The following FER1L6 variants were observed in gnomAD, a reference collection of about 807,000 sequenced individuals.
FER1L6 encodes fer-1 like family member 6.
A neutral mutation model predicts 219.2 loss-of-function variants in FER1L6; 177 were observed. The ratio of observed to expected loss-of-function variants is 0.81; its 90% CI spans 0.71 to 0.91. The LOEUF (loss-of-function observed/expected upper bound fraction) is 0.91. Ranked by LOEUF, FER1L6 falls within the 40% of genes least tolerant of loss-of-function variation. The probability of loss-of-function intolerance (pLI) is 0.00; values close to 1 mark genes in which losing one functional copy is unlikely to be tolerated. For missense variants in FER1L6, 2,153 were observed against 2,259.9 expected (o/e 0.95, Z 0.96); for synonymous variants, 768 against 824.3 (o/e 0.93, Z 1.17).
At chr8:123,921,137 G>A (rs4871427) in intron 1 of FER1L6, among the ~76,000 whole-genome samples, 69,758 of 152,022 alleles carry the variant, frequency 0.46, 16,367 homozygotes, top group South Asian at 0.54. Flanking sequence ...CAATAGTGCT[G>A]TTACAAATAT....
At chr8:124,060,407 C>A in intron 23 of FER1L6, 117 bp downstream of exon 23, 1 of 1,426,988 alleles carries the variant, frequency 7.0e-7, no homozygotes, top group Non-Finnish European at 9.7e-7. Context: ...AGAATGAGCC[C>A]TCAAAAAGCT....
rs1586423517 is a variant in FER1L6, at chr8:123,858,407, G to C, written c.-8+6222G>C. On this transcript the variant is annotated intron_variant, in intron 1 of 40. Coordinates refer to ENST00000522917, the MANE Select transcript of FER1L6 (RefSeq NM_001039112.2). ...TGGAAGATGTATTAGTTAAGGCAGT[G>C]CTAGCTGCTGTAACAGATATACCTG... 2.0e-5 allele frequency among the ~76,000 whole-genome samples: 3 copies of C among 152,214 alleles called. No homozygotes were observed. In the South Asian group the frequency reaches 6.2e-4, roughly 32 times the overall value.
intron 12 of FER1L6, among the ~76,000 whole-genome samples, chr8:123,986,991 A>T (rs898888583): frequency 2.0e-5 from 3 of 152,232 alleles, no homozygotes; most frequent in African/African-American, 7.2e-5. Context: ...GAGTGCAGAC[A>T]TCTCTTCGAT....
At chr8:123,941,174 G>A (rs1814225166) in intron 1 of FER1L6, among the ~76,000 whole-genome samples, 1 of 152,040 alleles carries the variant, frequency 6.6e-6, no homozygotes, top group East Asian at 1.9e-4. Flanking sequence ...GAACAGTAAT[G>A]GAAAAAAATC....
intron 17 of FER1L6, among the ~76,000 whole-genome samples, chr8:124,021,929 G>T (rs952942521): frequency 1.3e-5 from 2 of 152,126 alleles, no homozygotes; most frequent in African/African-American, 4.8e-5. Flanking sequence ...TGAAGTCAAC[G>T]TAAGCCCAGG....
intron 32 of FER1L6, among the ~76,000 whole-genome samples, chr8:124,076,623 A>C (rs972661446): frequency 1.1e-4 from 16 of 152,058 alleles, no homozygotes; most frequent in African/African-American, 3.6e-4. Context: ...ATATATACTC[A>C]CAGCTTTCTA....
intron 22 of FER1L6, among the ~76,000 whole-genome samples, chr8:124,059,626 G>A (rs1441147210): frequency 2.0e-5 from 3 of 152,008 alleles, no homozygotes; most frequent in Non-Finnish European, 4.4e-5. Flanking sequence ...CACAAGAAGA[G>A]ACAAGTTTTC....
chr8:123,982,232 T>C (rs1816355721), intron 11 of FER1L6, among the ~76,000 whole-genome samples: 1 of 152,206 alleles, frequency 6.6e-6, no homozygotes, highest in Admixed American at 6.5e-5. Flanking sequence ...TATCTCCATC[T>C]ATCCCTGTAG....
chr8:123,906,485 A>G (rs1278390234), intron 1 of FER1L6, among the ~76,000 whole-genome samples: 2 of 152,114 alleles, frequency 1.3e-5, no homozygotes, highest in Admixed American at 6.6e-5. Context: ...AGATATAAAA[A>G]GTTGCTCCCA....
intron 1 of FER1L6, among the ~76,000 whole-genome samples, chr8:123,864,873 T>C (rs1816805488): frequency 6.6e-6 from 1 of 150,692 alleles, no homozygotes; most frequent in Non-Finnish European, 1.5e-5. Context: ...ATTCTAGTTA[T>C]ACATTCTTCT....
In FER1L6 at chr8:124,051,492, A is replaced by G. The variant is rs1820025872; in HGVS notation, c.2874+1736A>G. ...TACTTAATCTGGGTTTCACCTGCAA[A>G]ATGGGGATTATAGTCAATCTATCTA... On this transcript the variant is annotated intron_variant, in intron 22 of 40. Coordinates refer to ENST00000522917, the MANE Select transcript of FER1L6 (RefSeq NM_001039112.2). 2.0e-5 allele frequency among the ~76,000 whole-genome samples: 3 copies of G among 152,188 alleles called. No homozygotes were observed. The South Asian group carries it at 6.2e-4, about 32-fold the overall frequency.
chr8:124,088,852 T>G lies in FER1L6; in HGVS notation c.4392-2571T>G, dbSNP rs117199585. Among the ~76,000 whole-genome samples the G allele has an allele frequency of 3.9e-5, 6 of 152,178 alleles. No homozygotes were observed. In the East Asian group the frequency reaches 1.2e-3, roughly 29 times the overall value. On this transcript the variant is annotated intron_variant, in intron 33 of 40. Coordinates refer to ENST00000522917, the MANE Select transcript of FER1L6 (RefSeq NM_001039112.2). ...ACTCTGCCTTGTGCTGTATTTACTG[T>G]AGCTGAGCTGGTATTCAAGGTGCAA...
At chr8:124,087,937 G>T (rs576928667) in intron 33 of FER1L6, among the ~76,000 whole-genome samples, 15 of 152,278 alleles carry the variant, frequency 9.9e-5, no homozygotes, top group African/African-American at 3.4e-4. Flanking sequence ...AACAAATGGG[G>T]TTTATCTTTC....
intron 1 of FER1L6, among the ~76,000 whole-genome samples, chr8:123,934,278 A>G (rs536146358): frequency 4.9e-4 from 74 of 152,120 alleles, no homozygotes; most frequent in Non-Finnish European, 9.6e-4. Context: ...TGATTTCTCC[A>G]TTTGTTCCAA....
At chr8:124,010,884 A>G (rs1487595764) in intron 14 of FER1L6, among the ~76,000 whole-genome samples, 170 bp downstream of exon 14, 1 of 152,070 alleles carries the variant, frequency 6.6e-6, no homozygotes, top group Non-Finnish European at 1.5e-5. Flanking sequence ...GGGGAATGAG[A>G]CCTCATTTTG....
chr8:124,104,966 TCAGACATG>T (rs2130998121), intron 39 of FER1L6, among the ~76,000 whole-genome samples: 1 of 152,232 alleles, frequency 6.6e-6, no homozygotes, highest in East Asian at 1.9e-4. Context: ...AAAGTCAAGT[TCAGACATG>T]CAGACATATA....
intron 1 of FER1L6, among the ~76,000 whole-genome samples, chr8:123,887,826 A>C (rs917566678): frequency 2.2e-4 from 34 of 152,200 alleles, no homozygotes; most frequent in African/African-American, 8.2e-4. Context: ...TGTGTAAGTC[A>C]TATGTATTTT....
At chr8:123,934,498 G>T (rs1232013993) in intron 1 of FER1L6, among the ~76,000 whole-genome samples, 1 of 151,222 alleles carries the variant, frequency 6.6e-6, no homozygotes, top group African/African-American at 2.4e-5. Flanking sequence ...ATTTATATTT[G>T]CTTGATTATT....
intron 33 of FER1L6, among the ~76,000 whole-genome samples, chr8:124,085,388 T>A (rs927712238): frequency 7.0e-6 from 1 of 143,314 alleles, no homozygotes; most frequent in African/African-American, 2.6e-5. Context: ...TTAGTACTAC[T>A]TTCATTGTGT....
Sources: gnomAD v4.1 joint callset for allele counts (sites outside exome capture counted in the v4.1 genomes callset) on GRCh38, gnomAD v4.1.1 for gene constraint, MANE v1.5 for transcripts, NCBI Gene and HGNC (gene_info 2026-07-23, HGNC 2026-07-21) for gene names.